The following PAX2 variants were observed in gnomAD, a reference collection of about 807,000 sequenced individuals.
PAX2 encodes the protein paired box protein Pax-2.
In PAX2, 9 loss-of-function variants were observed where a neutral mutation model predicts 41.7. The ratio of observed to expected loss-of-function variants is 0.22; its 90% CI spans 0.13 to 0.38. The LOEUF is 0.38. Among genes scored for constraint, PAX2 ranks in the 10% least tolerant of loss-of-function variants. The pLI is 1.00. For missense variants in PAX2, 418 were observed against 531.6 expected, an observed-to-expected ratio of 0.79 and a Z score of 2.10; for synonymous variants, 221 against 212.7, an observed-to-expected ratio of 1.04 and a Z score of -0.34.
In PAX2 at chr10:100,750,522, C is replaced by T. The variant is rs538246171; in HGVS notation, c.213-172C>T. ...TACCCCTTGTCCTCCTACTCCGCGG[C>T]GCTCCTCCTAGCCAGGCACCCTCAG... On this transcript the variant is annotated intron_variant, in intron 2 of 9. Coordinates refer to ENST00000355243, the MANE Select transcript of PAX2 (RefSeq NM_000278.5). The surrounding 1 kb of genome is among the most constrained non-coding windows in gnomAD (Gnocchi z 4.1). Among the ~76,000 whole-genome samples the T allele has an allele frequency of 8.5e-5, 13 of 152,320 alleles. No individual in the cohort carries two copies. The highest frequency in any genetic ancestry group is 3.9e-4 in the East Asian group (2 of 5,176).
In PAX2 at chr10:100,827,165, G is replaced by A. The variant is rs1294815483; in HGVS notation, c.1108+70G>A. 1 of 1,293,362 alleles carries A rather than the reference G, an allele frequency of 7.7e-7. No individual in the cohort carries two copies. Among genetic ancestry groups the A allele is most frequent in the Non-Finnish European group, 1.1e-6 (1 of 895,206 alleles). The allele number at this position is 1,293,362 out of a possible 1,614,324, so 80.1% of individuals were successfully genotyped here. ...GGCTTCTGGGCACGGTCCCACTCCC[G>A]GCGACCCGACCTCTGGGGACCCGGC... On this transcript the variant is annotated intron_variant, in intron 9 of 9. Transcript: ENST00000355243. This position sits in a 1 kb window ranked among gnomAD's most constrained non-coding sequence, Gnocchi z 8.5.
intron 7 of PAX2, among the ~76,000 whole-genome samples, chr10:100,820,381 A>G (rs1338293468): frequency 1.3e-5 from 2 of 152,190 alleles, no homozygotes; most frequent in Non-Finnish European, 2.9e-5. Context: ...CCCTTGAAAC[A>G]AGGAAGTTAC....
At position 100,803,753 on chromosome 10, in the gene PAX2, T is replaced by G. The variant is rs977708960; in HGVS notation, c.617-2677T>G. ...GCCTCCTTTCTCCTCCCCACTTCCC[T>G]CTCCTCTGCTTCCCCGCCTCCCACT... On this transcript the variant is annotated intron_variant, in intron 5 of 9. Transcript: ENST00000355243. Among the ~76,000 whole-genome samples the G allele has an allele frequency of 2.6e-5, 4 of 151,866 alleles. No individual in the cohort carries two copies. In the East Asian group the frequency reaches 7.8e-4, roughly 30 times the overall value.
intron 7 of PAX2, among the ~76,000 whole-genome samples, chr10:100,810,467 G>A (rs979855495): frequency 6.6e-6 from 1 of 152,218 alleles, no homozygotes; most frequent in South Asian, 2.1e-4. Flanking sequence ...CTGGGCTTTC[G>A]GGAGTGACGA....
At chr10:100,736,889 T>C (rs1025990214) in intron 1 of PAX2, among the ~76,000 whole-genome samples, 1 of 152,188 alleles carries the variant, frequency 6.6e-6, no homozygotes, top group Non-Finnish European at 1.5e-5. Flanking sequence ...AATCAATCTC[T>C]GATGGTGTTG....
chr10:100,792,206 A>T (rs1847146247), intron 5 of PAX2, among the ~76,000 whole-genome samples: 1 of 152,256 alleles, frequency 6.6e-6, no homozygotes, highest in African/African-American at 2.4e-5. Flanking sequence ...GAGGGACTTA[A>T]AAGCAAGTTG....
chr10:100,758,871 C>G (rs896490913), intron 3 of PAX2, among the ~76,000 whole-genome samples: 8 of 152,188 alleles, frequency 5.3e-5, no homozygotes, highest in Non-Finnish European at 8.8e-5. Flanking sequence ...TTTCCTGGGT[C>G]CCTTGGTCCA....
At position 100,736,075 on chromosome 10, in the gene PAX2, G is replaced by C. The variant is rs112520992; in HGVS notation, c.25+342G>C. On this transcript the variant is annotated intron_variant, in intron 1 of 9. Coordinates refer to the PAX2 transcript ENST00000679374. ...CAACTTCCTCCAAGTTGGGAGCATTGGGAAGGCCTTCGCTTCCAGTAAGCA... is the reference window on the plus strand; with the variant it reads ...CAACTTCCTCCAAGTTGGGAGCATTCGGAAGGCCTTCGCTTCCAGTAAGCA... 4.8e-3 allele frequency among the ~76,000 whole-genome samples: 735 copies of C among 152,320 alleles called. 10 individuals carry two copies. Among genetic ancestry groups the C allele is most frequent in the African/African-American group, 0.017 (700 of 41,564 alleles).
intron 5 of PAX2, among the ~76,000 whole-genome samples, chr10:100,797,500 GA>G: frequency 6.6e-6 from 1 of 152,318 alleles, no homozygotes; most frequent in South Asian, 2.1e-4. Flanking sequence ...AAAATTAAGT[GA>G]GTTAATATAT....
At position 100,827,893 on chromosome 10, in the gene PAX2, G is replaced by T; in HGVS notation, c.*274G>T. 2.0e-6 allele frequency: 1 copy of T among 489,086 alleles called. No homozygotes were observed. The highest frequency in any genetic ancestry group is 3.6e-6 in the Non-Finnish European group (1 of 276,964). The allele number at this position is 489,086 out of a possible 1,614,324, so 30.3% of individuals were successfully genotyped here. On this transcript the variant is annotated 3_prime_UTR_variant, in exon 10 of 10. Coordinates refer to ENST00000355243, the MANE Select transcript of PAX2 (RefSeq NM_000278.5). This position sits in a 1 kb window ranked among gnomAD's most constrained non-coding sequence, Gnocchi z 8.5. ...CCTCCCCGCCTGCCTGGACTGCGCG[G>T]CGCCGTGAGGGGGATTCGGCCCAGC...
chr10:100,820,105 A>G lies in PAX2; in HGVS notation c.920-4543A>G, dbSNP rs568708695. On this transcript the variant is annotated intron_variant, in intron 7 of 9. Coordinates refer to ENST00000355243, the MANE Select transcript of PAX2 (RefSeq NM_000278.5). ...TTTCAGAAAACTCTCACAGGAGATTAATACTCCACCCCATGGAGTTTTATT... is the reference window on the plus strand; with the variant it reads ...TTTCAGAAAACTCTCACAGGAGATTGATACTCCACCCCATGGAGTTTTATT... Among the ~76,000 whole-genome samples, 25 of 152,340 alleles carry G rather than the reference A, an allele frequency of 1.6e-4. 1 individual carries two copies. In the South Asian group the frequency reaches 5.2e-3, roughly 32 times the overall value.
At position 100,786,658 on chromosome 10, in the gene PAX2, C is replaced by T. The variant is rs554710825; in HGVS notation, c.616+5293C>T. Among the ~76,000 whole-genome samples the T allele has an allele frequency of 2.0e-5, 3 of 152,242 alleles. No individual in the cohort carries two copies. The South Asian group carries it at 6.2e-4, about 32-fold the overall frequency. Reference sequence around the variant, plus strand: ...TGTGTGAGCGGGGAGAGCTCTAAGCCAGGCCTCAGTGTGTTGAGCGCCCAT... The same window carrying T: ...TGTGTGAGCGGGGAGAGCTCTAAGCTAGGCCTCAGTGTGTTGAGCGCCCAT... On this transcript the variant is annotated intron_variant, in intron 5 of 9. Transcript: ENST00000355243.
In PAX2 at chr10:100,827,590, G is replaced by T. The variant is rs754477737; in HGVS notation, c.1156G>T (p.Ala386Ser). The change falls in exon 10 of 10, where the codon GCT (alanine) becomes TCT (serine). Residue 386 changes from alanine (A) to serine (S), a missense_variant. Around this residue, in one of 2 missense-constraint regions of PAX2, gnomAD observed 310 missense variants for 325.2 expected, o/e 0.95. Transcript: ENST00000355243. The surrounding 1 kb of genome is among the most constrained non-coding windows in gnomAD (Gnocchi z 8.5). ...SAAPRGSAPA[A>S]AAAAYDRH ...CGCCCCCCGGGGCTCCGCCCCTGCC[G>T]CTGCTGCCGCTGCCTATGACCGCCA... The T allele has an allele frequency of 6.2e-7, 1 of 1,613,104 alleles. No homozygotes were observed. Among genetic ancestry groups the T allele is most frequent in the South Asian group, 1.1e-5 (1 of 91,042 alleles).
At chr10:100,820,214 C>T (rs1848333250) in intron 7 of PAX2, among the ~76,000 whole-genome samples, 2 of 152,152 alleles carry the variant, frequency 1.3e-5, no homozygotes, top group African/African-American at 2.4e-5. Flanking sequence ...TGTCAGATGA[C>T]TTCTTTTCCT....
chr10:100,766,720 C>T (rs1424863606), intron 3 of PAX2, among the ~76,000 whole-genome samples: 1 of 152,158 alleles, frequency 6.6e-6, no homozygotes, highest in Non-Finnish European at 1.5e-5. Context: ...AGCAGCAGTG[C>T]AAATGACCAG....
At chr10:100,758,325 A>G (rs1589821992) in intron 3 of PAX2, among the ~76,000 whole-genome samples, 1 of 152,166 alleles carries the variant, frequency 6.6e-6, no homozygotes, top group African/African-American at 2.4e-5. Context: ...TATTTTTAGT[A>G]GAGATGGGGT....
At position 100,748,934 on chromosome 10, in the gene PAX2, C is replaced by A. The variant is rs535426571; in HGVS notation, c.44-812C>A. The A allele has an allele frequency of 1.3e-5, 13 of 985,344 alleles. No individual in the cohort carries two copies. In the East Asian group the frequency reaches 1.3e-3, roughly 95 times the overall value. The allele number at this position is 985,344 out of a possible 1,614,324, so 61.0% of individuals were successfully genotyped here. On this transcript the variant is annotated intron_variant, in intron 1 of 9. Transcript: ENST00000355243. This position sits in a 1 kb window ranked among gnomAD's most constrained non-coding sequence, Gnocchi z 5.0. ...TGGGCCCCAACCAGGCTCTGCGAGG[C>A]GCGGCAGGCAGGCGAGCCCAAGCAG...
At chr10:100,774,870 G>A (rs577001397) in intron 3 of PAX2, among the ~76,000 whole-genome samples, 1 of 152,334 alleles carries the variant, frequency 6.6e-6, no homozygotes, top group South Asian at 2.1e-4. Flanking sequence ...TCTTCCTTTT[G>A]CTGCTCTCAC....
chr10:100,803,232 C>T (rs934549833), intron 5 of PAX2, among the ~76,000 whole-genome samples: 1 of 152,170 alleles, frequency 6.6e-6, no homozygotes, highest in Admixed American at 6.5e-5. Flanking sequence ...GTCCTCACCC[C>T]AGCCAGCACT....
Sources: gnomAD v4.1 joint callset for allele counts (sites outside exome capture counted in the v4.1 genomes callset) on GRCh38, gnomAD v4.1.1 for gene constraint, gnomAD v4.1.1 regional missense constraint, Gnocchi (gnomAD v3.1) non-coding constraint, MANE v1.5 for transcripts, NCBI Gene and HGNC (gene_info 2026-07-23, HGNC 2026-07-21) for gene names.